The following TRHDE variants were observed in gnomAD, a reference collection of about 807,000 sequenced individuals.
The protein encoded by TRHDE is thyrotropin-releasing hormone-degrading ectoenzyme.
In TRHDE, 72 loss-of-function variants were observed where a neutral mutation model predicts 125.7. The ratio of observed to expected loss-of-function variants is 0.57; its 90% CI spans 0.47 to 0.70. TRHDE has a LOEUF of 0.70. TRHDE is among the 30% of genes least tolerant of loss of function. TRHDE has a pLI of 0.00. For missense variants in TRHDE, 1,110 were observed against 1,327.1 expected (o/e 0.84, Z 2.54); for synonymous variants, 509 against 509.1 (o/e 1.00, Z 0.00).
intron 6 of TRHDE, among the ~76,000 whole-genome samples, chr12:72,519,969 G>T (rs1411512563): frequency 6.6e-6 from 1 of 152,202 alleles, no homozygotes; most frequent in Non-Finnish European, 1.5e-5. Flanking sequence ...CAGGGGTCAG[G>T]GACCCACTTC....
intron 3 of TRHDE, among the ~76,000 whole-genome samples, chr12:72,409,414 T>C (rs1424898568): frequency 1.3e-5 from 2 of 152,134 alleles, no homozygotes; most frequent in African/African-American, 2.4e-5. Flanking sequence ...TTAATATCAG[T>C]TTTTCTGGCT....
At chr12:72,630,538 C>A (rs1873450449) in intron 15 of TRHDE, among the ~76,000 whole-genome samples, 1 of 151,658 alleles carries the variant, frequency 6.6e-6, no homozygotes, top group Non-Finnish European at 1.5e-5. Flanking sequence ...TTTGGCAGCT[C>A]TAGAAAACTA....
intron 7 of TRHDE, among the ~76,000 whole-genome samples, chr12:72,555,362 T>G (rs1185143155): frequency 6.6e-6 from 1 of 152,150 alleles, no homozygotes; most frequent in Non-Finnish European, 1.5e-5. Context: ...ATCTCTTTCT[T>G]TCTTTTCATG....
intron 2 of TRHDE, among the ~76,000 whole-genome samples, chr12:72,291,662 A>G (rs898422643): frequency 8.5e-5 from 13 of 152,210 alleles, no homozygotes; most frequent in Non-Finnish European, 1.5e-4. Flanking sequence ...CTTCTTCCCA[A>G]CAATACAATA....
intron 2 of TRHDE, among the ~76,000 whole-genome samples, chr12:72,365,185 A>G (rs894570231): frequency 6.6e-6 from 1 of 152,128 alleles, no homozygotes; most frequent in Non-Finnish European, 1.5e-5. Flanking sequence ...TGATGTTGAA[A>G]TAGATTTAAG....
rs530913535 is a variant in TRHDE, at chr12:72,481,038, AAAGCCTCTAG to A, written c.1584+7859_1584+7868del. Among the ~76,000 whole-genome samples, 93 of 152,120 alleles carry A rather than the reference AAAGCCTCTAG, an allele frequency of 6.1e-4. 1 individual carries two copies. The highest frequency in any genetic ancestry group is 1.3e-3 in the Non-Finnish European group (85 of 67,984). On this transcript the variant is annotated intron_variant, in intron 5 of 18. Transcript: ENST00000261180. ...CCCAGGTAAAATGAATTTGCCTTGC[AAAGCCTCTAG>A]CATGAACATAGCCAAAACTAAAAGC...
intron 5 of TRHDE, among the ~76,000 whole-genome samples, chr12:72,490,992 C>CA (rs71438815): frequency 0.087 from 10,351 of 119,270 alleles, 442 homozygotes; most frequent in African/African-American, 0.14. Context: ...GCCACAAAAC[C>CA]AAAAAAAAAA....
At chr12:72,463,876 C>T (rs1876242265) in intron 3 of TRHDE, among the ~76,000 whole-genome samples, 1 of 152,140 alleles carries the variant, frequency 6.6e-6, no homozygotes, top group East Asian at 1.9e-4. Flanking sequence ...ATGCTGGAGA[C>T]TGGATTTCAG....
intron 2 of TRHDE, among the ~76,000 whole-genome samples, chr12:72,175,507 G>A (rs1240454798): frequency 6.6e-6 from 1 of 152,192 alleles, no homozygotes; most frequent in Non-Finnish European, 1.5e-5. Flanking sequence ...TGTGGAACAA[G>A]CTGGTCAGCA....
At chr12:72,558,397 G>A (rs1303801319) in intron 7 of TRHDE, among the ~76,000 whole-genome samples, 1 of 152,122 alleles carries the variant, frequency 6.6e-6, no homozygotes, top group Non-Finnish European at 1.5e-5. Flanking sequence ...CCAGAAATGA[G>A]ATAAAATATC....
intron 15 of TRHDE, among the ~76,000 whole-genome samples, chr12:72,632,018 A>C (rs1187515579): frequency 6.6e-6 from 1 of 151,968 alleles, no homozygotes; most frequent in Non-Finnish European, 1.5e-5. Context: ...ATTTCTGTGA[A>C]GAATACAAAA....
chr12:72,524,397 C>T (rs1224791727), intron 6 of TRHDE, among the ~76,000 whole-genome samples: 1 of 152,144 alleles, frequency 6.6e-6, no homozygotes, highest in East Asian at 1.9e-4. Flanking sequence ...CTTTCAGTTA[C>T]CAAGCCCATG....
intron 6 of TRHDE, among the ~76,000 whole-genome samples, chr12:72,525,138 T>G (rs1380296909): frequency 6.6e-6 from 1 of 152,202 alleles, no homozygotes; most frequent in Non-Finnish European, 1.5e-5. Flanking sequence ...AAGCTATAGA[T>G]GTTTACACAA....
chr12:72,383,634 C>A (rs935354671), intron 3 of TRHDE, among the ~76,000 whole-genome samples: 1 of 151,884 alleles, frequency 6.6e-6, no homozygotes, highest in Non-Finnish European at 1.5e-5. Flanking sequence ...GCCTTGGCCT[C>A]CCAAAGTGCT....
intron 6 of TRHDE, among the ~76,000 whole-genome samples, chr12:72,513,228 A>G (rs1262120571): frequency 6.6e-6 from 1 of 152,122 alleles, no homozygotes; most frequent in Non-Finnish European, 1.5e-5. Context: ...GAAATATTTA[A>G]GAATTCAGGG....
intron 7 of TRHDE, among the ~76,000 whole-genome samples, chr12:72,549,910 G>T (rs538203403): frequency 2.1e-4 from 32 of 151,612 alleles, no homozygotes; most frequent in Admixed American, 3.3e-4. Flanking sequence ...TTTAAAGGTT[G>T]TTAACCGACC....
chr12:72,451,690 G>A (rs963357201), intron 3 of TRHDE, among the ~76,000 whole-genome samples: 2 of 151,968 alleles, frequency 1.3e-5, no homozygotes, highest in African/African-American at 2.4e-5. Flanking sequence ...AATGTCATTT[G>A]ACAGGAATTA....
chr12:72,520,581 A>C lies in TRHDE; in HGVS notation c.1722+20946A>C, dbSNP rs578177814. On this transcript the variant is annotated intron_variant, in intron 6 of 18. Transcript: ENST00000261180. Reference sequence around the variant, plus strand: ...AGATGAACCCGGTACCTCAGATGGAAATGCAGAAATCACCTGGCTTCTGTG... The same window carrying C: ...AGATGAACCCGGTACCTCAGATGGACATGCAGAAATCACCTGGCTTCTGTG... Among the ~76,000 whole-genome samples the C allele has an allele frequency of 1.4e-3, 220 of 152,236 alleles. 1 individual carries two copies. Among genetic ancestry groups the C allele is most frequent in the African/African-American group, 4.9e-3 (202 of 41,568 alleles).
intron 2 of TRHDE, among the ~76,000 whole-genome samples, chr12:72,261,906 A>G (rs554278022): frequency 7.2e-5 from 11 of 152,274 alleles, no homozygotes; most frequent in Admixed American, 5.2e-4. Context: ...TGTCTCTTCA[A>G]TTTGTACTCT....
Sources: gnomAD v4.1 joint callset for allele counts (sites outside exome capture counted in the v4.1 genomes callset) on GRCh38, gnomAD v4.1.1 for gene constraint, MANE v1.5 for transcripts, NCBI Gene and HGNC (gene_info 2026-07-23, HGNC 2026-07-21) for gene names.